MROH9: variants seen among roughly 807,000 people sequenced by gnomAD.
MROH9 encodes the protein maestro heat-like repeat-containing protein family member 9.
In MROH9, 92 loss-of-function variants were observed where a neutral mutation model predicts 98.2. The observed-to-expected ratio is 0.94, with a 90% CI of 0.79 to 1.11. The LOEUF (loss-of-function observed/expected upper bound fraction) is 1.11. MROH9 is among the 50% of genes most tolerant of loss of function. The pLI is 0.00. For synonymous variants in MROH9, 397 were observed against 368.9 expected (o/e 1.08, Z -0.87); for missense variants, 1,057 against 1,014.8 (o/e 1.04, Z -0.57).
At position 171,016,240 on chromosome 1, in the gene MROH9, C is replaced by T; in HGVS notation, c.1812C>T (p.Ala604=). ...LSKDDNVVLQ[A]LLTLRRLLNE... is the part of the protein sequence containing the mutation. ...AAGACGATAATGTTGTACTTCAGGC[C>T]TTGCTCACCCTTAGAAGGCTTTTAA... Residue 604 remains alanine, a synonymous_variant, in exon 17 of 22, where the codon GCC becomes GCT. Coordinates refer to ENST00000367759, the MANE Select transcript of MROH9 (RefSeq NM_001163629.2). 2.6e-6 allele frequency: 4 copies of T among 1,540,418 alleles called. No individual in the cohort carries two copies. The highest frequency in any genetic ancestry group is 3.5e-6 in the Non-Finnish European group (4 of 1,141,916).
At chr1:170,980,286 T>C (rs192574674) in intron 8 of MROH9, among the ~76,000 whole-genome samples, 10 of 152,206 alleles carry the variant, frequency 6.6e-5, no homozygotes, top group African/African-American at 2.4e-4. Context: ...GCCAAGACAG[T>C]CCTAAGCAAA....
chr1:171,033,986 A>G (rs920059683), intron 20 of MROH9, among the ~76,000 whole-genome samples: 1 of 152,174 alleles, frequency 6.6e-6, no homozygotes, highest in Non-Finnish European at 1.5e-5. Context: ...AAAGTTATGG[A>G]ACTGCACGAT....
chr1:170,975,605 C>T (rs1416626939), intron 8 of MROH9, among the ~76,000 whole-genome samples: 1 of 152,124 alleles, frequency 6.6e-6, no homozygotes, highest in Non-Finnish European at 1.5e-5. Context: ...TCTGTATGCC[C>T]ATGTGTACAC....
At chr1:170,960,453 T>C (rs1309418024) in intron 5 of MROH9, among the ~76,000 whole-genome samples, 1 of 152,170 alleles carries the variant, frequency 6.6e-6, no homozygotes, top group Non-Finnish European at 1.5e-5. Context: ...CATTTCATCA[T>C]CCAAATGCCC....
chr1:170,973,829 C>T (rs757975768), intron 8 of MROH9, among the ~76,000 whole-genome samples: 34 of 152,114 alleles, frequency 2.2e-4, no homozygotes, highest in Non-Finnish European at 4.6e-4. Context: ...GAGCTGGTAT[C>T]GTGCCACTGT....
At chr1:170,987,467 C>T (rs1651184977) in intron 10 of MROH9, among the ~76,000 whole-genome samples, 1 of 152,184 alleles carries the variant, frequency 6.6e-6, no homozygotes, top group African/African-American at 2.4e-5. Flanking sequence ...TGTGTAAGCA[C>T]ATGCAGTGTT....
At chr1:171,028,590 A>G (rs1251892636) in intron 20 of MROH9, among the ~76,000 whole-genome samples, 2 of 152,204 alleles carry the variant, frequency 1.3e-5, no homozygotes, top group East Asian at 1.9e-4. Flanking sequence ...TGATGGGAAT[A>G]GTACTGAATC....
At chr1:171,030,662 G>T (rs191315596) in intron 20 of MROH9, among the ~76,000 whole-genome samples, 1 of 152,094 alleles carries the variant, frequency 6.6e-6, no homozygotes, top group Non-Finnish European at 1.5e-5. Context: ...TGTTTGTTAT[G>T]ATTTCAGTTC....
chr1:171,037,855 G>T (rs1449589969), intron 20 of MROH9, among the ~76,000 whole-genome samples: 4 of 151,944 alleles, frequency 2.6e-5, no homozygotes, highest in Non-Finnish European at 4.4e-5. Flanking sequence ...TTTGTTAAAT[G>T]ACATTGGGAC....
intron 20 of MROH9, among the ~76,000 whole-genome samples, chr1:171,040,020 A>T (rs1468685291): frequency 6.6e-6 from 1 of 152,128 alleles, no homozygotes. Context: ...TTGAGACAAC[A>T]TAGATGGTCC....
chr1:170,958,355 T>C (rs1435795489), intron 3 of MROH9, 106 bp from the exon 4 acceptor site: 1 of 564,784 alleles, frequency 1.8e-6, no homozygotes, highest in South Asian at 3.5e-5. Flanking sequence ...TCTGATTTGG[T>C]TCCTTTAGTC....
intron 15 of MROH9, among the ~76,000 whole-genome samples, chr1:171,012,098 G>C (rs1183679798): frequency 6.6e-6 from 1 of 151,744 alleles, no homozygotes; most frequent in Non-Finnish European, 1.5e-5. Flanking sequence ...AATTTTTATT[G>C]TTTTTTATTT....
At chr1:170,944,935 A>G (rs551756128) in intron 1 of MROH9, among the ~76,000 whole-genome samples, 1 of 152,112 alleles carries the variant, frequency 6.6e-6, no homozygotes, top group Admixed American at 6.6e-5. Flanking sequence ...ACGTGAAAGA[A>G]GGAACTGTAC....
intron 12 of MROH9, among the ~76,000 whole-genome samples, chr1:170,992,664 A>C (rs1035313067): frequency 6.6e-6 from 1 of 152,168 alleles, no homozygotes; most frequent in African/African-American, 2.4e-5. Flanking sequence ...CTGGCATCTA[A>C]TCAGAGACCT....
intron 7 of MROH9, 138 bp from the exon 8 acceptor site, chr1:170,971,610 G>A: frequency 1.0e-6 from 1 of 989,798 alleles, no homozygotes; most frequent in South Asian, 1.6e-5. Flanking sequence ...AACGGGGCCA[G>A]GATTTGATTA....
intron 20 of MROH9, among the ~76,000 whole-genome samples, chr1:171,041,104 T>C (rs1292402532): frequency 2.0e-5 from 3 of 151,836 alleles, no homozygotes; most frequent in Non-Finnish European, 4.4e-5. Context: ...TTGTACTCAA[T>C]AGGTATTATT....
chr1:171,053,196 A>C (rs1257444577), intron 20 of MROH9, among the ~76,000 whole-genome samples: 1 of 152,088 alleles, frequency 6.6e-6, no homozygotes, highest in Non-Finnish European at 1.5e-5. Context: ...GGAACCCTTC[A>C]CCCACTTCAA....
chr1:171,060,486 T>C (rs1479304045), intron 20 of MROH9, among the ~76,000 whole-genome samples: 1 of 152,178 alleles, frequency 6.6e-6, no homozygotes, highest in Non-Finnish European at 1.5e-5. Context: ...ATAGCCAAGA[T>C]AATTTAAAGA....
Position 170,995,487 on chromosome 1 carries a change from C to T in MROH9, c.1293C>T (p.Val431=). 2 of 1,613,342 alleles carry T rather than the reference C, an allele frequency of 1.2e-6. No homozygotes were observed. The highest frequency in any genetic ancestry group is 1.7e-6 in the Non-Finnish European group (2 of 1,179,540). Residue 431 remains valine (V), a synonymous_variant, in exon 13 of 22, where the codon GTC becomes GTT. Transcript: ENST00000367759. ...TCTTGACGACTCTTATGTTCCAAGTCTTCTACAACAGTGAGCTGAAACCGA... is the reference window on the plus strand; with the variant it reads ...TCTTGACGACTCTTATGTTCCAAGTTTTCTACAACAGTGAGCTGAAACCGA... The part of the protein sequence containing the change: ...PQLLTTLMFQ[V]FYNSELKPIL...
Sources: allele counts gnomAD v4.1 joint callset (sites outside exome capture counted in the v4.1 genomes callset), GRCh38; gene constraint gnomAD v4.1.1; transcripts MANE v1.5; gene names NCBI Gene and HGNC (gene_info 2026-07-23, HGNC 2026-07-21).